The following SECISBP2L variants were observed in gnomAD, a reference collection of about 807,000 sequenced individuals.
The protein encoded by SECISBP2L is SECIS binding protein 2 like, also known as selenocysteine insertion sequence-binding protein 2-like.
Under a neutral mutation model 114.7 loss-of-function variants are expected in SECISBP2L, and 43 were observed. The observed-to-expected ratio is 0.38, with a 90% CI of 0.29 to 0.48. SECISBP2L has a LOEUF of 0.48. SECISBP2L is among the 20% of genes least tolerant of loss of function. The probability of loss-of-function intolerance (pLI) is 0.98; values close to 1 mark genes in which losing one functional copy is unlikely to be tolerated. For missense variants in SECISBP2L, 1,136 were observed against 1,301.1 expected (o/e 0.87, Z 1.95); for synonymous variants, 451 against 439.7 (o/e 1.03, Z -0.32).
At chr15:49,020,317 T>C (rs1902618082) in intron 7 of SECISBP2L, among the ~76,000 whole-genome samples, 1 of 152,002 alleles carries the variant, frequency 6.6e-6, no homozygotes, top group Non-Finnish European at 1.5e-5. Context: ...GTGATTCTCT[T>C]GCCTCAGCCT....
chr15:48,996,566 T>C lies in SECISBP2L; in HGVS notation c.2424A>G (p.Val808=). 6.2e-7 allele frequency: 1 copy of C among 1,613,196 alleles called. No homozygotes were observed. Among genetic ancestry groups the C allele is most frequent in the Non-Finnish European group, 8.5e-7 (1 of 1,179,750 alleles). ...CTTTCCTGGCCTCCTCAGTGAGTTCTACTAATTTATTAAACAGGCTCTGAA... is the reference window on the plus strand; with the variant it reads ...CTTTCCTGGCCTCCTCAGTGAGTTCCACTAATTTATTAAACAGGCTCTGAA... ...FGAESLFNKL[V]ELTEEARKAY... is the part of the protein sequence containing the mutation. The change falls in exon 17 of 18, where the codon GTA becomes GTG. Residue 808 remains valine, a synonymous_variant. Transcript: ENST00000559471.
chr15:49,034,699 C>G (rs1484244210), intron 3 of SECISBP2L, among the ~76,000 whole-genome samples: 1 of 125,284 alleles, frequency 8.0e-6, no homozygotes, highest in Non-Finnish European at 1.6e-5. Context: ...GGGTGTCACT[C>G]TGTCACCTAC....
chr15:49,011,671 G>C (rs1238801695), intron 13 of SECISBP2L, 60 bp downstream of exon 13: 3 of 1,577,266 alleles, frequency 1.9e-6, no homozygotes, highest in Non-Finnish European at 2.6e-6. Flanking sequence ...GATAGCTTAC[G>C]TATCTATTAA....
intron 14 of SECISBP2L, among the ~76,000 whole-genome samples, chr15:49,002,485 T>C (rs763380588): frequency 2.6e-5 from 4 of 152,238 alleles, no homozygotes; most frequent in African/African-American, 4.8e-5. Context: ...TTGGCTTTTG[T>C]TGCCATTGCT....
In SECISBP2L at chr15:49,001,099, T is replaced by C; in HGVS notation, c.2028-2A>G. On this transcript the variant is annotated splice_acceptor_variant, in intron 14 of 17. Coordinates refer to ENST00000559471, the MANE Select transcript of SECISBP2L (RefSeq NM_001193489.2). LOFTEE classifies it high-confidence loss of function. ...TTACAAAGAACCTGATTACAATACC[T>C]GTAAAAAAAAACCAAAATGGGTAAC... The C allele has an allele frequency of 6.3e-7, 1 of 1,583,816 alleles. No individual in the cohort carries two copies. The highest frequency in any genetic ancestry group is 8.6e-7 in the Non-Finnish European group (1 of 1,168,884).
chr15:48,996,784 C>G (rs1487364959), intron 16 of SECISBP2L, among the ~76,000 whole-genome samples, 198 bp from the exon 17 acceptor site: 3 of 152,146 alleles, frequency 2.0e-5, no homozygotes, highest in Non-Finnish European at 4.4e-5. Flanking sequence ...TCTCACAAGT[C>G]AAGTCTGAGG....
chr15:49,031,072 CAG>C (rs1002364910), intron 4 of SECISBP2L, among the ~76,000 whole-genome samples: 3 of 99,526 alleles, frequency 3.0e-5, no homozygotes, highest in African/African-American at 1.2e-4. Context: ...CCTTTTGAGA[CAG>C]AGTCTTTCTC....
chr15:49,019,925 T>C (rs566829557), intron 7 of SECISBP2L, among the ~76,000 whole-genome samples: 7 of 152,282 alleles, frequency 4.6e-5, no homozygotes, highest in South Asian at 4.1e-4. Flanking sequence ...AACTACAGTA[T>C]TGATAAACTC....
chr15:49,003,528 G>A (rs1409430604), intron 14 of SECISBP2L, among the ~76,000 whole-genome samples: 2 of 152,138 alleles, frequency 1.3e-5, no homozygotes, highest in Non-Finnish European at 2.9e-5. Flanking sequence ...GTTTTCAAAG[G>A]GAATGCTTCC....
intron 3 of SECISBP2L, 40 bp from the exon 4 acceptor site, chr15:49,033,140 C>G: frequency 1.3e-6 from 2 of 1,588,330 alleles, no homozygotes; most frequent in Non-Finnish European, 1.7e-6. Context: ...AAACACACAA[C>G]TATTCAATGT....
At position 49,022,569 on chromosome 15, in the gene SECISBP2L, T is replaced by C. The variant is rs192259582; in HGVS notation, c.1036-3017A>G. Among the ~76,000 whole-genome samples, 21 of 151,602 alleles carry C rather than the reference T, an allele frequency of 1.4e-4. No individual in the cohort carries two copies. In the East Asian group the frequency reaches 4.5e-3, roughly 33 times the overall value. Reference sequence around the variant, plus strand: ...GTGAGCTGAGATTGTGCCACTGTACTCCAGCCTGGGCAACAGAGCAAGACT... The same window carrying C: ...GTGAGCTGAGATTGTGCCACTGTACCCCAGCCTGGGCAACAGAGCAAGACT... On this transcript the variant is annotated intron_variant, in intron 7 of 17. Transcript: ENST00000559471.
chr15:49,006,534 C>A, intron 14 of SECISBP2L, among the ~76,000 whole-genome samples: 1 of 151,990 alleles, frequency 6.6e-6, no homozygotes, highest in East Asian at 1.9e-4. Context: ...TCCGCTTGAT[C>A]GATTCAGCTG....
Position 48,990,239 on chromosome 15 carries a change from T to C in SECISBP2L, c.*2005A>G, listed in dbSNP as rs980448457. 1.2e-4 allele frequency: 18 copies of C among 152,652 alleles called. No individual in the cohort carries two copies. Among genetic ancestry groups the C allele is most frequent in the Admixed American group, 2.6e-4 (4 of 15,286 alleles). The allele number at this position is 152,652 out of a possible 1,614,324, so 9.5% of individuals were successfully genotyped here. On this transcript the variant is annotated 3_prime_UTR_variant, in exon 18 of 18. Coordinates refer to ENST00000559471, the MANE Select transcript of SECISBP2L (RefSeq NM_001193489.2). ...GCCATCATCTCAAGGTCAAGAGTTA[T>C]CTGAATCACTGACATCGAGCAAAGG...
chr15:49,027,075 T>TG (rs756790080), intron 7 of SECISBP2L, among the ~76,000 whole-genome samples: 5 of 152,356 alleles, frequency 3.3e-5, no homozygotes, highest in East Asian at 3.9e-4. Flanking sequence ...AATTTTTATG[T>TG]GGGAAAAAGA....
chr15:49,035,631 T>C lies in SECISBP2L; in HGVS notation c.231A>G (p.Ile77Met). The change falls in exon 3 of 18, where the codon ATA (isoleucine) becomes ATG (methionine). Residue 77 changes from isoleucine (I) to methionine (M), a missense_variant. Ile to Met is a conservative substitution (Grantham distance 10). Transcript: ENST00000559471. ...NRQFPLYNND[I>M]RWQQPNPNPT... is the part of the protein sequence containing the mutation. ...GGTTTGGATTGGGTTGTTGCCATCG[T>C]ATATCATTGTTATATAAAGGAAACT... 1 of 1,612,022 alleles carries C rather than the reference T, an allele frequency of 6.2e-7. No individual in the cohort carries two copies. Among genetic ancestry groups the C allele is most frequent in the Admixed American group, 1.7e-5 (1 of 59,914 alleles).
chr15:48,995,043 C>G (rs946925348), intron 17 of SECISBP2L, among the ~76,000 whole-genome samples: 1 of 151,936 alleles, frequency 6.6e-6, no homozygotes, highest in Admixed American at 6.6e-5. Flanking sequence ...ATAGAAAAAC[C>G]AAGGCTTCAA....
intron 4 of SECISBP2L, among the ~76,000 whole-genome samples, chr15:49,029,680 A>G (rs1902842313): frequency 6.6e-6 from 1 of 152,228 alleles, no homozygotes; most frequent in Admixed American, 6.5e-5. Context: ...TACTGCAAGA[A>G]CTTAGGGGAT....
Position 49,028,472 on chromosome 15 carries a change from G to A in SECISBP2L, c.875C>T (p.Pro292Leu). The A allele has an allele frequency of 6.2e-7, 1 of 1,614,104 alleles. No individual in the cohort carries two copies. The highest frequency in any genetic ancestry group is 8.5e-7 in the Non-Finnish European group (1 of 1,179,966). Reference sequence around the variant, plus strand: ...ACATACATTCATGGTCCCAGAATCAGGATTTCTCAAAGCCCCTGCTGCAGG... The same window carrying A: ...ACATACATTCATGGTCCCAGAATCAAGATTTCTCAAAGCCCCTGCTGCAGG... ...NQPAAGALRN[P>L]DSGTMNHVES... Residue 292 changes from proline to leucine, a missense_variant, in exon 5 of 18, where the codon CCT (proline) becomes CTT (leucine). Pro to Leu is a moderately conservative substitution (Grantham distance 98). Around this residue, in one of 2 missense-constraint regions of SECISBP2L, gnomAD observed 452 missense variants for 452.3 expected, o/e 1.00. Coordinates refer to ENST00000559471, the MANE Select transcript of SECISBP2L (RefSeq NM_001193489.2).
At chr15:49,034,176 A>G (rs1242246095) in intron 3 of SECISBP2L, among the ~76,000 whole-genome samples, 3 of 152,204 alleles carry the variant, frequency 2.0e-5, no homozygotes, top group Admixed American at 1.3e-4. Flanking sequence ...AGGAGGCAGC[A>G]AAGACTTCAC....
Sources: gnomAD v4.1 joint callset for allele counts (sites outside exome capture counted in the v4.1 genomes callset) on GRCh38, gnomAD v4.1.1 for gene constraint, gnomAD v4.1.1 regional missense constraint, MANE v1.5 for transcripts, NCBI Gene and HGNC (gene_info 2026-07-23, HGNC 2026-07-21) for gene names.